Variants in GRIN2A observed in about 807,000 individuals in gnomAD.
GRIN2A encodes the protein glutamate ionotropic receptor NMDA type subunit 2A, also known as glutamate receptor ionotropic, NMDA 2A.
A neutral mutation model predicts 113.4 loss-of-function variants in GRIN2A; 22 were observed. The observed-to-expected ratio is 0.19, with a 90% CI of 0.14 to 0.28. The LOEUF (loss-of-function observed/expected upper bound fraction) is 0.28. Ranked by LOEUF, GRIN2A falls within the 10% of genes least tolerant of loss-of-function variation. GRIN2A has a pLI of 1.00. For missense variants in GRIN2A, 1,502 were observed against 1,887.0 expected (o/e 0.80, Z 3.78); for synonymous variants, 827 against 738.4 (o/e 1.12, Z -1.94).
chr16:9,830,143 G>C (rs1272005169), intron 8 of GRIN2A, among the ~76,000 whole-genome samples: 1 of 152,194 alleles, frequency 6.6e-6, no homozygotes, highest in African/African-American at 2.4e-5. Context: ...TTCAAACTCA[G>C]ATGTAAAGTG....
chr16:10,145,847 A>G (rs528406486), intron 2 of GRIN2A, among the ~76,000 whole-genome samples: 1 of 152,352 alleles, frequency 6.6e-6, no homozygotes, highest in Admixed American at 6.5e-5. Flanking sequence ...ATTTACAAAG[A>G]CAGGTGGCAG....
Position 10,008,802 on chromosome 16 carries a change from C to G in GRIN2A, c.415-70251G>C, listed in dbSNP as rs142482011. Among the ~76,000 whole-genome samples, 242 of 152,282 alleles carry G rather than the reference C, an allele frequency of 1.6e-3. 3 individuals carry two copies. The highest frequency in any genetic ancestry group is 5.7e-3 in the African/African-American group (237 of 41,558). ...TCCATGCAACTGTTAGAAAACAAAA[C>G]TGATTTACAGGTACCAACAAATAAT... is the stretch of plus-strand genomic sequence containing the variant. On this transcript the variant is annotated intron_variant, in intron 2 of 12. Transcript: ENST00000330684.
Position 9,849,830 on chromosome 16 carries a change from G to A in GRIN2A, c.1254C>T (p.Ile418=), listed in dbSNP as rs752834021. 6.2e-7 allele frequency: 1 copy of A among 1,614,030 alleles called. No homozygotes were observed. The highest frequency in any genetic ancestry group is 8.5e-7 in the Non-Finnish European group (1 of 1,179,948). Residue 418 remains isoleucine (I), a synonymous_variant, in exon 5 of 13, where the codon ATC becomes ATT. Coordinates refer to ENST00000330684, the MANE Select transcript of GRIN2A (RefSeq NM_001134407.3). ...IVTLEEAPFV[I]VEDIDPLTET... ...CGGTCAGGGGGTCTATGTCTTCCAC[G>A]ATGACGAATGGGGCCTCCTCCAGGG...
rs570729177 is a variant in GRIN2A at position 9,827,939 on chromosome 16, C to T, written c.2007+1484G>A. 2.0e-5 allele frequency among the ~76,000 whole-genome samples: 3 copies of T among 152,314 alleles called. No individual in the cohort carries two copies. In the South Asian group the frequency reaches 6.2e-4, roughly 32 times the overall value. On this transcript the variant is annotated intron_variant, in intron 9 of 12. Transcript: ENST00000330684. ...TAATACTTATTCCTGCCCCAAATTT[C>T]CAAATTTGTTTCTTCCTTGATGTTT...
At chr16:9,858,479 C>A (rs1362314860) in intron 4 of GRIN2A, among the ~76,000 whole-genome samples, 1 of 151,938 alleles carries the variant, frequency 6.6e-6, no homozygotes, top group Admixed American at 6.6e-5. Context: ...TTAAAATAAA[C>A]TGAATTTTGG....
chr16:10,002,131 T>C (rs2046331270), intron 2 of GRIN2A, among the ~76,000 whole-genome samples: 1 of 152,222 alleles, frequency 6.6e-6, no homozygotes, highest in African/African-American at 2.4e-5. Flanking sequence ...ATCTCTGAGA[T>C]GGCCTCATGT....
At chr16:10,098,474 A>C (rs554771728) in intron 2 of GRIN2A, among the ~76,000 whole-genome samples, 14 of 152,346 alleles carry the variant, frequency 9.2e-5, no homozygotes, top group Admixed American at 5.2e-4. Context: ...GAGGAAAAGA[A>C]GTCATTATAC....
At chr16:10,113,556 A>G in intron 2 of GRIN2A, among the ~76,000 whole-genome samples, 1 of 152,268 alleles carries the variant, frequency 6.6e-6, no homozygotes, top group East Asian at 1.9e-4. Context: ...GATCACAGTT[A>G]CATCACTGTG....
In GRIN2A at chr16:10,111,813, C is replaced by T; in HGVS notation, c.414+68185G>A. On this transcript the variant is annotated intron_variant, in intron 2 of 12. Coordinates refer to ENST00000330684, the MANE Select transcript of GRIN2A (RefSeq NM_001134407.3). ...GGCATGGCTTCTCTTGCATCCTCAT[C>T]ACTGAGATGGGCACCATGGGGAGCA... The T allele has an allele frequency of 4.6e-6, 6 of 1,312,460 alleles. No individual in the cohort carries two copies. The South Asian group carries it at 4.8e-5, about 11-fold the overall frequency. 81.3% of individuals were successfully genotyped at this position (1,312,460 alleles called of 1,614,324 possible).
intron 2 of GRIN2A, among the ~76,000 whole-genome samples, chr16:9,990,557 GCGCGCGCA>G (rs1207757130): frequency 7.6e-5 from 8 of 105,876 alleles, no homozygotes; most frequent in Admixed American, 5.0e-4. Context: ...GCGCGCGCGC[GCGCGCGCA>G]CACACACACA....
At chr16:9,852,687 T>C (rs1343607854) in intron 4 of GRIN2A, among the ~76,000 whole-genome samples, 1 of 152,180 alleles carries the variant, frequency 6.6e-6, no homozygotes, top group African/African-American at 2.4e-5. Flanking sequence ...TCTCATCTGA[T>C]AGACCCTTCG....
chr16:10,154,844 G>A (rs145215167), intron 2 of GRIN2A, among the ~76,000 whole-genome samples: 78 of 152,264 alleles, frequency 5.1e-4, no homozygotes, highest in African/African-American at 1.7e-3. Flanking sequence ...TTAGAGCAAT[G>A]TGGGTTTTTG....
intron 2 of GRIN2A, among the ~76,000 whole-genome samples, chr16:10,041,894 G>C (rs1285311438): frequency 6.6e-6 from 1 of 152,040 alleles, no homozygotes; most frequent in Admixed American, 6.6e-5. Context: ...TCACCCCCTG[G>C]TACTTTATTT....
At chr16:9,928,449 A>G (rs947316747) in intron 3 of GRIN2A, among the ~76,000 whole-genome samples, 25 of 152,160 alleles carry the variant, frequency 1.6e-4, no homozygotes, top group African/African-American at 6.0e-4. Context: ...GGTAGAAAGG[A>G]TTTTTAACTT....
chr16:9,978,598 T>C (rs1483983914), intron 2 of GRIN2A, among the ~76,000 whole-genome samples: 1 of 152,098 alleles, frequency 6.6e-6, no homozygotes, highest in Non-Finnish European at 1.5e-5. Flanking sequence ...ATCTTCCCTC[T>C]GTAAGAACAT....
chr16:9,895,248 AG>A (rs1362063485), intron 3 of GRIN2A, among the ~76,000 whole-genome samples: 1 of 152,218 alleles, frequency 6.6e-6, no homozygotes, highest in African/African-American at 2.4e-5. Context: ...AAGGAAACAA[AG>A]TTAAAGGGAT....
At chr16:10,120,941 G>A (rs71379070) in intron 2 of GRIN2A, among the ~76,000 whole-genome samples, 13,950 of 151,992 alleles carry the variant, frequency 0.092, 671 homozygotes, top group Middle Eastern at 0.11. Context: ...GCTCATTGTG[G>A]CATCTTTTCA....
intron 3 of GRIN2A, among the ~76,000 whole-genome samples, chr16:9,904,466 G>C (rs1024936925): frequency 6.6e-6 from 1 of 152,064 alleles, no homozygotes; most frequent in East Asian, 1.9e-4. Context: ...CCACCTCCCG[G>C]GTTCAAGCAA....
intron 2 of GRIN2A, among the ~76,000 whole-genome samples, chr16:10,091,299 C>G (rs925537522): frequency 1.3e-5 from 2 of 152,108 alleles, no homozygotes; most frequent in Non-Finnish European, 2.9e-5. Context: ...ACCCAAATAC[C>G]CATGAGCTGG....
Sources: gnomAD v4.1 joint callset for allele counts (sites outside exome capture counted in the v4.1 genomes callset) on GRCh38, gnomAD v4.1.1 for gene constraint, MANE v1.5 for transcripts, NCBI Gene and HGNC (gene_info 2026-07-23, HGNC 2026-07-21) for gene names.